Variants in CNTNAP2 observed in about 807,000 individuals in gnomAD.
The protein encoded by CNTNAP2 is contactin-associated protein-like 2.
A neutral mutation model predicts 155.2 loss-of-function variants in CNTNAP2; 98 were observed. The observed-to-expected ratio is 0.63, with a 90% CI of 0.54 to 0.75. The LOEUF (loss-of-function observed/expected upper bound fraction) is 0.75, where lower values mean the gene tolerates loss of function less well. Ranked by LOEUF, CNTNAP2 falls within the 30% of genes least tolerant of loss-of-function variation. The probability of loss-of-function intolerance (pLI) is 0.00; values close to 1 mark genes in which losing one functional copy is unlikely to be tolerated. For missense variants in CNTNAP2, 1,727 were observed against 1,688.1 expected, an observed-to-expected ratio of 1.02 and a Z score of -0.40; for synonymous variants, 651 against 631.2, an observed-to-expected ratio of 1.03 and a Z score of -0.47.
chr7:148,369,719 C>A (rs1585315611), intron 21 of CNTNAP2, among the ~76,000 whole-genome samples: 1 of 150,998 alleles, frequency 6.6e-6, no homozygotes, highest in South Asian at 2.1e-4. Context: ...ACATTCACGT[C>A]TCAGAAATAA....
intron 15 of CNTNAP2, among the ~76,000 whole-genome samples, chr7:148,004,862 T>G (rs1234642673): frequency 6.6e-6 from 1 of 152,176 alleles, no homozygotes; most frequent in African/African-American, 2.4e-5. Context: ...CAGGAAAGAA[T>G]GTTCAATAAT....
intron 1 of CNTNAP2, among the ~76,000 whole-genome samples, chr7:146,444,966 C>T (rs1796381455): frequency 6.6e-6 from 1 of 151,970 alleles, no homozygotes; most frequent in African/African-American, 2.4e-5. Context: ...ACATAAGCCA[C>T]CACGCCCAGC....
At chr7:146,303,005 G>T (rs1800638264) in intron 1 of CNTNAP2, among the ~76,000 whole-genome samples, 1 of 151,890 alleles carries the variant, frequency 6.6e-6, no homozygotes, top group African/African-American at 2.4e-5. Flanking sequence ...TAAATCTAAA[G>T]TAATAGGTAC....
At chr7:147,036,378 A>AT (rs1799151947) in intron 3 of CNTNAP2, among the ~76,000 whole-genome samples, 1 of 152,218 alleles carries the variant, frequency 6.6e-6, no homozygotes, top group Non-Finnish European at 1.5e-5. Flanking sequence ...TTATTCTAAA[A>AT]TTAACATTGT....
chr7:146,980,587 C>T (rs1281573865), intron 3 of CNTNAP2, among the ~76,000 whole-genome samples: 1 of 152,098 alleles, frequency 6.6e-6, no homozygotes, highest in Non-Finnish European at 1.5e-5. Flanking sequence ...TCTGTTTCTG[C>T]TGATGTCCTC....
chr7:147,290,752 G>T (rs1805287922), intron 8 of CNTNAP2, among the ~76,000 whole-genome samples: 1 of 148,648 alleles, frequency 6.7e-6, no homozygotes, highest in South Asian at 2.2e-4. Context: ...ACAGTGAAAA[G>T]AATACCTGTT....
intron 1 of CNTNAP2, among the ~76,000 whole-genome samples, chr7:146,655,144 T>A (rs769738298): frequency 3.8e-4 from 58 of 151,988 alleles, no homozygotes; most frequent in Non-Finnish European, 7.5e-4. Context: ...TCACATTTTT[T>A]AAAGATATCT....
At chr7:146,352,787 C>T (rs1412774109) in intron 1 of CNTNAP2, among the ~76,000 whole-genome samples, 2 of 79,988 alleles carry the variant, frequency 2.5e-5, no homozygotes, top group Non-Finnish European at 5.0e-5. Flanking sequence ...CAGAGTCTCT[C>T]TCTGTCGCCC....
At chr7:148,078,531 A>C (rs1031672226) in intron 15 of CNTNAP2, among the ~76,000 whole-genome samples, 1 of 152,038 alleles carries the variant, frequency 6.6e-6, no homozygotes, top group African/African-American at 2.4e-5. Context: ...CCCAGGCTGG[A>C]GTGCAATGGT....
intron 10 of CNTNAP2, among the ~76,000 whole-genome samples, chr7:147,469,473 C>A (rs1241701872): frequency 6.8e-6 from 1 of 147,230 alleles, no homozygotes; most frequent in African/African-American, 2.5e-5. Flanking sequence ...AACAAAGAAA[C>A]GGCAGGGCAG....
intron 8 of CNTNAP2, among the ~76,000 whole-genome samples, chr7:147,255,468 C>T (rs112910465): frequency 2.6e-5 from 4 of 151,704 alleles, no homozygotes; most frequent in Non-Finnish European, 4.4e-5. Flanking sequence ...GTGATCTGCC[C>T]GCCTTGGCCT....
At chr7:147,174,676 A>T (rs1802299952) in intron 8 of CNTNAP2, among the ~76,000 whole-genome samples, 1 of 152,160 alleles carries the variant, frequency 6.6e-6, no homozygotes, top group South Asian at 2.1e-4. Flanking sequence ...ATTTTGGCAA[A>T]ATAAGGAGCC....
intron 3 of CNTNAP2, among the ~76,000 whole-genome samples, chr7:146,956,851 G>A (rs964502640): frequency 1.3e-5 from 2 of 152,080 alleles, no homozygotes; most frequent in African/African-American, 4.8e-5. Flanking sequence ...AGAATAGCAT[G>A]GGGGAATTAT....
intron 13 of CNTNAP2, among the ~76,000 whole-genome samples, chr7:147,890,833 T>C (rs1174554869): frequency 1.3e-5 from 2 of 152,188 alleles, no homozygotes; most frequent in Non-Finnish European, 2.9e-5. Context: ...GATCAAAGGA[T>C]ATAAAATTTT....
At chr7:146,569,880 C>T (rs1242005987) in intron 1 of CNTNAP2, among the ~76,000 whole-genome samples, 1 of 152,164 alleles carries the variant, frequency 6.6e-6, no homozygotes, top group Non-Finnish European at 1.5e-5. Context: ...ATGAGATGGC[C>T]TCACAAGTGT....
chr7:147,985,148 A>AAAAG (rs148373501), intron 15 of CNTNAP2, among the ~76,000 whole-genome samples: 6,702 of 151,380 alleles, frequency 0.044, 170 homozygotes, highest in East Asian at 0.17. Context: ...ATAAATAAAT[A>AAAAG]ACTATTTACA....
intron 3 of CNTNAP2, among the ~76,000 whole-genome samples, chr7:146,898,686 T>C (rs772633810): frequency 1.3e-5 from 2 of 152,094 alleles, no homozygotes; most frequent in Non-Finnish European, 2.9e-5. Context: ...TCTCCAAAGA[T>C]GGCCTCAGTG....
intron 3 of CNTNAP2, among the ~76,000 whole-genome samples, chr7:146,851,049 A>G (rs748367279): frequency 2.8e-4 from 43 of 152,016 alleles, no homozygotes; most frequent in Non-Finnish European, 2.4e-4. Context: ...CAGTTTCCCA[A>G]TCTCTGCTCA....
intron 1 of CNTNAP2, among the ~76,000 whole-genome samples, chr7:146,134,688 G>C (rs1235215231): frequency 2.0e-5 from 3 of 150,158 alleles, no homozygotes; most frequent in Non-Finnish European, 3.0e-5. Context: ...TTTGTCTTTG[G>C]CTCTGTTTAT....
Sources: gnomAD v4.1 joint callset for allele counts (sites outside exome capture counted in the v4.1 genomes callset) on GRCh38, gnomAD v4.1.1 for gene constraint, MANE v1.5 for transcripts, NCBI Gene and HGNC (gene_info 2026-07-23, HGNC 2026-07-21) for gene names.